Variants in TNR observed in about 807,000 individuals in gnomAD.
The protein encoded by TNR is tenascin-R.
A neutral mutation model predicts 150.4 loss-of-function variants in TNR; 45 were observed. The ratio of observed to expected loss-of-function variants is 0.30; its 90% confidence interval spans 0.24 to 0.38. TNR has a LOEUF of 0.38. Among genes scored for constraint, TNR ranks in the 10% least tolerant of loss-of-function variants. The pLI, the probability that TNR is intolerant of heterozygous loss-of-function variation, is 1.00. For missense variants in TNR, 1,544 were observed against 1,759.1 expected, an observed-to-expected ratio of 0.88 and a Z score of 2.19; for synonymous variants, 687 against 678.4, an observed-to-expected ratio of 1.01 and a Z score of -0.20.
chr1:175,424,364 A>G (rs1557925299), intron 2 of TNR, among the ~76,000 whole-genome samples: 1 of 152,172 alleles, frequency 6.6e-6, no homozygotes, highest in Non-Finnish European at 1.5e-5. Flanking sequence ...CCAACAAGGG[A>G]AAAGCTTCTG....
At position 175,523,462 on chromosome 1, in the gene TNR, G is replaced by A. The variant is rs145660621; in HGVS notation, c.-64+4807C>T. Among the ~76,000 whole-genome samples the A allele has an allele frequency of 5.9e-5, 9 of 152,258 alleles. No homozygotes were observed. The East Asian group carries it at 1.7e-3, about 29-fold the overall frequency. ...AGGTACTGTAATTTGAGGAAAGGGA[G>A]ACAAAGATACAACTTGATAAGGAAC... On this transcript the variant is annotated intron_variant, in intron 2 of 22. Transcript: ENST00000367674.
intron 1 of TNR, among the ~76,000 whole-genome samples, chr1:175,712,436 A>G (rs1667043401): frequency 6.6e-6 from 1 of 152,182 alleles, no homozygotes; most frequent in Middle Eastern, 3.2e-3. Context: ...GAGGTGACAT[A>G]AGACGAACTC....
At chr1:175,739,821 C>T (rs1043501338) in intron 1 of TNR, among the ~76,000 whole-genome samples, 7 of 152,182 alleles carry the variant, frequency 4.6e-5, no homozygotes, top group African/African-American at 1.7e-4. Context: ...CTTTACTAAG[C>T]TCACATAGGT....
intron 18 of TNR, among the ~76,000 whole-genome samples, chr1:175,343,110 T>C (rs1650608098): frequency 6.6e-6 from 1 of 152,210 alleles, no homozygotes; most frequent in African/African-American, 2.4e-5. Flanking sequence ...ATAGTGTGAA[T>C]GTGATCTGAT....
At chr1:175,633,868 G>A (rs1483403895) in intron 1 of TNR, among the ~76,000 whole-genome samples, 1 of 152,126 alleles carries the variant, frequency 6.6e-6, no homozygotes, top group Non-Finnish European at 1.5e-5. Context: ...TATGGTTCTG[G>A]CAACAGCAGG....
intron 1 of TNR, among the ~76,000 whole-genome samples, chr1:175,690,224 C>T (rs958327742): frequency 6.6e-6 from 1 of 152,188 alleles, no homozygotes; most frequent in African/African-American, 2.4e-5. Flanking sequence ...GTACCTACTA[C>T]GTGTGGGGTA....
At position 175,337,591 on chromosome 1, in the gene TNR, A is replaced by G. The variant is rs762800784; in HGVS notation, c.3471T>C (p.Asn1157=). The G allele has an allele frequency of 6.2e-7, 1 of 1,614,114 alleles. No individual in the cohort carries two copies. Among genetic ancestry groups the G allele is most frequent in the Admixed American group, 1.7e-5 (1 of 60,022 alleles). The change falls in exon 19 of 23, where the codon AAT becomes AAC. Residue 1157 remains asparagine (N), a synonymous_variant. Transcript: ENST00000367674. ...CTTGTAATTTCTGGCTCAGCTCCCC[A>G]TTGAGGAAGATGGGGTAAACCCCAC... ...TLSGVYPIFL[N]GELSQKLQVY...
intron 6 of TNR, among the ~76,000 whole-genome samples, chr1:175,392,754 C>A (rs1187279795): frequency 2.0e-5 from 3 of 152,084 alleles, no homozygotes; most frequent in Non-Finnish European, 2.9e-5. Context: ...GTGGTGGGGA[C>A]CCAGGTACTC....
At chr1:175,486,736 AC>A (rs1658032525) in intron 2 of TNR, among the ~76,000 whole-genome samples, 1 of 152,226 alleles carries the variant, frequency 6.6e-6, no homozygotes. Context: ...TTACACTCCC[AC>A]CAACAGTGTA....
intron 21 of TNR, among the ~76,000 whole-genome samples, chr1:175,328,918 C>T (rs1159453319): frequency 2.6e-5 from 4 of 152,200 alleles, no homozygotes; most frequent in African/African-American, 9.6e-5. Context: ...AAGTGAATAG[C>T]GTCAGGTGAT....
chr1:175,603,776 G>A (rs1288626885), intron 1 of TNR, among the ~76,000 whole-genome samples: 1 of 152,124 alleles, frequency 6.6e-6, no homozygotes, highest in Non-Finnish European at 1.5e-5. Flanking sequence ...CCTGGAGGGG[G>A]CAGGTCAGCC....
intron 1 of TNR, among the ~76,000 whole-genome samples, chr1:175,742,335 C>A (rs141696019): frequency 3.2e-3 from 480 of 152,296 alleles, no homozygotes; most frequent in Admixed American, 4.8e-3. Context: ...TTTGTTTCTG[C>A]TCACCCTAGA....
At position 175,316,503 on chromosome 1, in the gene TNR, G is replaced by A. The variant is rs1028375020; in HGVS notation, c.*6854C>T. The A allele has an allele frequency of 3.3e-5, 5 of 152,168 alleles. No homozygotes were observed. The highest frequency in any genetic ancestry group is 1.2e-4 in the African/African-American group (5 of 41,430). 9.4% of individuals were successfully genotyped at this position (152,168 alleles called of 1,614,324 possible). A position where few individuals can be genotyped will look rare whatever the true frequency, so the allele number is the denominator to read the frequency against. On this transcript the variant is annotated 3_prime_UTR_variant, in exon 23 of 23. Transcript: ENST00000367674. ...GCATTTGTGCTATCCATACTGGTTT[G>A]AATACACTAATAATATAATCCTTTC... is the stretch of plus-strand genomic sequence containing the variant.
intron 1 of TNR, among the ~76,000 whole-genome samples, chr1:175,716,010 A>G (rs1430158583): frequency 6.6e-6 from 1 of 152,210 alleles, no homozygotes; most frequent in African/African-American, 2.4e-5. Flanking sequence ...AGCCAGGCCC[A>G]TGAAAAATGA....
intron 2 of TNR, among the ~76,000 whole-genome samples, chr1:175,500,761 CT>C (rs138647346): frequency 2.6e-5 from 4 of 152,336 alleles, no homozygotes; most frequent in East Asian, 1.9e-4. Flanking sequence ...GGAAGTCTCC[CT>C]GTTCAAAGGG....
At chr1:175,606,787 T>A (rs1338587510) in intron 1 of TNR, among the ~76,000 whole-genome samples, 1 of 152,102 alleles carries the variant, frequency 6.6e-6, no homozygotes, top group Admixed American at 6.6e-5. Context: ...CATTCCACCA[T>A]CCCTTCTCCT....
chr1:175,452,312 G>T (rs976999702), intron 2 of TNR, among the ~76,000 whole-genome samples: 1 of 152,242 alleles, frequency 6.6e-6, no homozygotes, highest in African/African-American at 2.4e-5. Context: ...AAAGTCTAGC[G>T]GGGGAAATGA....
chr1:175,660,947 A>G (rs1665349228), intron 1 of TNR, among the ~76,000 whole-genome samples: 1 of 152,158 alleles, frequency 6.6e-6, no homozygotes, highest in Non-Finnish European at 1.5e-5. Flanking sequence ...GCCCCCAGGA[A>G]TGGCATTAAT....
At chr1:175,641,851 G>A (rs578053501) in intron 1 of TNR, among the ~76,000 whole-genome samples, 4 of 152,264 alleles carry the variant, frequency 2.6e-5, no homozygotes, top group East Asian at 1.9e-4. Context: ...TGAGTTATCC[G>A]AGGTGCTGGA....
Sources: allele counts gnomAD v4.1 joint callset (sites outside exome capture counted in the v4.1 genomes callset), GRCh38; gene constraint gnomAD v4.1.1; transcripts MANE v1.5; gene names NCBI Gene and HGNC (gene_info 2026-07-23, HGNC 2026-07-21).